The following ALDH2 variants were observed in gnomAD, a reference collection of about 807,000 sequenced individuals.
ALDH2 encodes the protein aldehyde dehydrogenase 2 family member.
A neutral mutation model predicts 59.6 loss-of-function variants in ALDH2; 44 were observed. The observed-to-expected ratio is 0.74, with a 90% CI of 0.58 to 0.95. The LOEUF (loss-of-function observed/expected upper bound fraction) is 0.95, where lower values mean the gene tolerates loss of function less well. Among genes scored for constraint, ALDH2 ranks in the 40% least tolerant of loss-of-function variants. The pLI is 0.00. For missense variants in ALDH2, 570 were observed against 696.3 expected, an observed-to-expected ratio of 0.82 and a Z score of 2.04; for synonymous variants, 291 against 284.0, an observed-to-expected ratio of 1.02 and a Z score of -0.25.
In ALDH2 at chr12:111,815,530, C is replaced by T. The variant is rs2068564218; in HGVS notation, c.*5955C>T. 2 of 152,162 alleles carry T rather than the reference C, an allele frequency of 1.3e-5. No individual in the cohort carries two copies. The highest frequency in any genetic ancestry group is 4.1e-4 in the South Asian group (2 of 4,826). 9.4% of individuals were successfully genotyped at this position (152,162 alleles called of 1,614,324 possible). On this transcript the variant is annotated 3_prime_UTR_variant, in exon 13 of 13. Coordinates refer to ENST00000261733, the MANE Select transcript of ALDH2 (RefSeq NM_000690.4). ...ATGTGATGCCTGGCGATATGGCTTA[C>T]TTATGAGACAGCACCTGACCTACAG...
chr12:111,801,099 G>A (rs183882694), intron 11 of ALDH2, among the ~76,000 whole-genome samples: 2 of 152,328 alleles, frequency 1.3e-5, no homozygotes, highest in African/African-American at 2.4e-5. Flanking sequence ...ACAGTTCCAC[G>A]TGGCTGGGGA....
At chr12:111,808,058 A>G (rs1233600097) in intron 12 of ALDH2, among the ~76,000 whole-genome samples, 1 of 151,910 alleles carries the variant, frequency 6.6e-6, no homozygotes, top group Non-Finnish European at 1.5e-5. Context: ...TTGTATTTGT[A>G]GAGATGAGGT....
chr12:111,785,825 C>A (rs1311301008), intron 4 of ALDH2, among the ~76,000 whole-genome samples: 2 of 152,198 alleles, frequency 1.3e-5, no homozygotes, highest in Admixed American at 1.3e-4. Context: ...GAAAATCCTT[C>A]AATATCACAA....
chr12:111,788,371 G>A (rs998074516), intron 4 of ALDH2, among the ~76,000 whole-genome samples: 1 of 152,182 alleles, frequency 6.6e-6, no homozygotes, highest in Non-Finnish European at 1.5e-5. Flanking sequence ...AGTGGATAGA[G>A]GTCAGAGATG....
At chr12:111,802,328 C>G (rs945941865) in intron 11 of ALDH2, among the ~76,000 whole-genome samples, 1 of 150,918 alleles carries the variant, frequency 6.6e-6, no homozygotes, top group Non-Finnish European at 1.5e-5. Context: ...AGGAGAATCG[C>G]TTGAACCCGG....
rs1054699066 is a variant in ALDH2 at position 111,792,223 on chromosome 12, G to A, written c.898+60G>A. On this transcript the variant is annotated intron_variant, in intron 8 of 12. Coordinates refer to ENST00000261733, the MANE Select transcript of ALDH2 (RefSeq NM_000690.4). ...GGTAGCCCTGGCCACCTGTGTTGTG[G>A]CTCCAGCCGATCCTGTCGCCCCCCC... 5.3e-6 allele frequency: 7 copies of A among 1,329,982 alleles called. No individual in the cohort carries two copies. The Admixed American group carries it at 1.5e-4, about 29-fold the overall frequency. 82.4% of individuals were successfully genotyped at this position (1,329,982 alleles called of 1,614,324 possible).
chr12:111,807,062 C>T (rs1445153524), intron 12 of ALDH2, among the ~76,000 whole-genome samples: 1 of 151,592 alleles, frequency 6.6e-6, no homozygotes, highest in Non-Finnish European at 1.5e-5. Context: ...GTCAGAAGAT[C>T]CAGACCATCC....
intron 12 of ALDH2, among the ~76,000 whole-genome samples, chr12:111,804,679 G>A (rs1358155450): frequency 5.3e-5 from 8 of 151,470 alleles, no homozygotes; most frequent in South Asian, 2.1e-4. Context: ...CACGGGAGGC[G>A]GAGGTTGCAG....
At chr12:111,796,015 C>T (rs2068400161) in intron 9 of ALDH2, among the ~76,000 whole-genome samples, 1 of 151,998 alleles carries the variant, frequency 6.6e-6, no homozygotes, top group Non-Finnish European at 1.5e-5. Context: ...AACCCCAACA[C>T]TTTGGGAGGC....
chr12:111,786,158 C>T (rs940186402), intron 4 of ALDH2, among the ~76,000 whole-genome samples: 2 of 152,018 alleles, frequency 1.3e-5, no homozygotes, highest in African/African-American at 2.4e-5. Flanking sequence ...TGTCTATCTC[C>T]GTTTCAGTCT....
In ALDH2 at chr12:111,798,825, G is replaced by A. The variant is rs562075000; in HGVS notation, c.1248+583G>A. Among the ~76,000 whole-genome samples, 3 of 152,146 alleles carry A rather than the reference G, an allele frequency of 2.0e-5. No individual in the cohort carries two copies. The South Asian group carries it at 6.2e-4, about 32-fold the overall frequency. ...AGTTCGAGACCAGCCTGGCCAACAT[G>A]GCAAAACCCTGTCTGTATTAAAAAT... is the stretch of plus-strand genomic sequence containing the variant. On this transcript the variant is annotated intron_variant, in intron 10 of 12. Coordinates refer to ENST00000261733, the MANE Select transcript of ALDH2 (RefSeq NM_000690.4).
chr12:111,801,161 CAAGAG>C (rs2068448650), intron 11 of ALDH2, among the ~76,000 whole-genome samples: 2 of 152,300 alleles, frequency 1.3e-5, no homozygotes, highest in East Asian at 3.9e-4. Context: ...TGGTGGCAGA[CAAGAG>C]AAGAGAACTT....
In ALDH2 at chr12:111,815,160, A is replaced by C. The variant is rs1245765997; in HGVS notation, c.*5585A>C. ...GAAGTATTAACTGTGCACCCACTAC[A>C]TGCCAGGAACTGTACTTGGAGCCTT... On this transcript the variant is annotated 3_prime_UTR_variant, in exon 13 of 13. Transcript: ENST00000261733. 1.3e-5 allele frequency: 2 copies of C among 152,238 alleles called. No homozygotes were observed. The highest frequency in any genetic ancestry group is 2.9e-5 in the Non-Finnish European group (2 of 68,036). The allele number at this position is 152,238 out of a possible 1,614,324, so 9.4% of individuals were successfully genotyped here. A position where few individuals can be genotyped will look rare whatever the true frequency, so the allele number is the denominator to read the frequency against.
chr12:111,810,154 A>C lies in ALDH2; in HGVS notation c.*579A>C. 1 of 156,376 alleles carries C rather than the reference A, an allele frequency of 6.4e-6. No individual in the cohort carries two copies. Among genetic ancestry groups the C allele is most frequent in the East Asian group, 1.7e-4 (1 of 5,846 alleles). The allele number at this position is 156,376 out of a possible 1,614,324, so 9.7% of individuals were successfully genotyped here. A position where few individuals can be genotyped will look rare whatever the true frequency, so the allele number is the denominator to read the frequency against. ...CCTGTCTCTCACTAAAAATACACAA[A>C]TTAGGCAGTCATGGTGGCTGGCACC... On this transcript the variant is annotated 3_prime_UTR_variant, in exon 13 of 13. Coordinates refer to ENST00000261733, the MANE Select transcript of ALDH2 (RefSeq NM_000690.4).
At chr12:111,784,312 T>C (rs1379162115) in intron 3 of ALDH2, among the ~76,000 whole-genome samples, 1 of 151,748 alleles carries the variant, frequency 6.6e-6, no homozygotes, top group African/African-American at 2.4e-5. Context: ...AGATCCTGTC[T>C]CAAAAAAAAA....
chr12:111,806,384 T>G (rs1034702088), intron 12 of ALDH2, among the ~76,000 whole-genome samples: 1 of 151,630 alleles, frequency 6.6e-6, no homozygotes, highest in Admixed American at 6.6e-5. Flanking sequence ...TGATTTACTG[T>G]GAATACTAAT....
intron 4 of ALDH2, among the ~76,000 whole-genome samples, chr12:111,788,737 C>T (rs1593077526): frequency 6.6e-6 from 1 of 152,080 alleles, no homozygotes; most frequent in African/African-American, 2.4e-5. Flanking sequence ...GCTAATGGCT[C>T]GAGCCTGTAA....
At chr12:111,795,373 C>G (rs796638432) in intron 9 of ALDH2, among the ~76,000 whole-genome samples, 1 of 152,102 alleles carries the variant, frequency 6.6e-6, no homozygotes, top group Non-Finnish European at 1.5e-5. Flanking sequence ...ACCTCCACCT[C>G]CTAGGTTCAA....
At chr12:111,790,357 G>T in intron 5 of ALDH2, 77 bp from the exon 6 acceptor site, 1 of 1,588,304 alleles carries the variant, frequency 6.3e-7, no homozygotes, top group South Asian at 1.1e-5. Flanking sequence ...TCTGCCCTCT[G>T]GGGTTGCCAC....
Sources: allele counts gnomAD v4.1 joint callset (sites outside exome capture counted in the v4.1 genomes callset), GRCh38; gene constraint gnomAD v4.1.1; transcripts MANE v1.5; gene names NCBI Gene and HGNC (gene_info 2026-07-23, HGNC 2026-07-21).